CNTNAP5: variants seen among roughly 807,000 people sequenced by gnomAD.
CNTNAP5 encodes contactin associated protein family member 5, also known as contactin-associated protein-like 5.
A neutral mutation model predicts 150.2 loss-of-function variants in CNTNAP5; 72 were observed. The observed-to-expected ratio is 0.48, with a 90% CI of 0.40 to 0.58. The LOEUF is 0.58. Ranked by LOEUF, CNTNAP5 falls within the 20% of genes least tolerant of loss-of-function variation. The pLI is 0.00. For synonymous variants in CNTNAP5, 672 were observed against 619.8 expected, an observed-to-expected ratio of 1.08 and a Z score of -1.25; for missense variants, 1,636 against 1,626.2, an observed-to-expected ratio of 1.01 and a Z score of -0.10.
In CNTNAP5 at chr2:124,419,874, G is replaced by GT. The variant is rs200499176; in HGVS notation, c.529+2290dup. 3.5e-3 allele frequency among the ~76,000 whole-genome samples: 498 copies of GT among 143,246 alleles called. 6 individuals are homozygous for GT. Among genetic ancestry groups the GT allele is most frequent in the African/African-American group, 0.011 (445 of 38,986 alleles). The allele number at this position is 143,246 out of a possible 152,430, so 94.0% of individuals were successfully genotyped here. A position where few individuals can be genotyped will look rare whatever the true frequency, so the allele number is the denominator to read the frequency against. ...TAATTCTCCCTTTCAGCATTATCAT[G>GT]TTTTTTATTTGACTGGATTGGTTTT... On this transcript the variant is annotated intron_variant, in intron 4 of 23. Coordinates refer to ENST00000682447, the MANE Select transcript of CNTNAP5 (RefSeq NM_001367498.1).
intron 1 of CNTNAP5, among the ~76,000 whole-genome samples, chr2:124,212,925 G>A (rs10173293): frequency 0.31 from 42,549 of 138,392 alleles, 6,274 homozygotes; most frequent in South Asian, 0.51. Context: ...TGAAAGCTCC[G>A]CCTGCCGGAT....
intron 7 of CNTNAP5, among the ~76,000 whole-genome samples, chr2:124,477,656 A>ATTTTTTTTT (rs34441550): frequency 4.7e-5 from 6 of 127,478 alleles, no homozygotes; most frequent in Non-Finnish European, 1.0e-4. Context: ...TGCTCATGAC[A>ATTTTTTTTT]TTTTTTTTTT....
intron 2 of CNTNAP5, among the ~76,000 whole-genome samples, chr2:124,239,160 C>A (rs1686822630): frequency 3.3e-5 from 5 of 151,814 alleles, no homozygotes; most frequent in African/African-American, 1.2e-4. Context: ...GACAAATTTG[C>A]AGAAACTTTA....
At position 124,601,597 on chromosome 2, in the gene CNTNAP5, G is replaced by C. The variant is rs1460824320; in HGVS notation, c.1757-8204G>C. On this transcript the variant is annotated intron_variant, in intron 11 of 23. Coordinates refer to ENST00000682447, the MANE Select transcript of CNTNAP5 (RefSeq NM_001367498.1). ...ATACGGAGCAAAGAAAGGATCAAAG[G>C]TACTGTAATATGATTAATATTCTTA... is the stretch of plus-strand genomic sequence containing the variant. Among the ~76,000 whole-genome samples, 6 of 152,116 alleles carry C rather than the reference G, an allele frequency of 3.9e-5. No individual in the cohort carries two copies. In the East Asian group the frequency reaches 1.2e-3, roughly 29 times the overall value.
intron 3 of CNTNAP5, among the ~76,000 whole-genome samples, chr2:124,254,504 G>A (rs546952997): frequency 1.3e-5 from 2 of 152,294 alleles, no homozygotes; most frequent in South Asian, 2.1e-4. Flanking sequence ...CCATGCTTGT[G>A]GGTAGACATG....
Position 124,865,429 on chromosome 2 carries a change from C to T in CNTNAP5, c.3341C>T (p.Thr1114Ile). 6.4e-7 allele frequency: 1 copy of T among 1,551,544 alleles called. No homozygotes were observed. The highest frequency in any genetic ancestry group is 1.2e-5 in the South Asian group (1 of 84,052). Residue 1114 changes from threonine to isoleucine, a missense_variant, in exon 20 of 24, where the codon ACC becomes ATC. Thr to Ile is a moderately conservative substitution (Grantham distance 89, BLOSUM62 -1). Transcript: ENST00000682447. ...LKINREGREL[T>I]IQMDQQLRLS... Reference sequence around the variant, plus strand: ...ATTAACCGAGAGGGAAGAGAGCTTACCATTCAGGTACCTTCCTTACTTTCT... The same window carrying T: ...ATTAACCGAGAGGGAAGAGAGCTTATCATTCAGGTACCTTCCTTACTTTCT...
intron 12 of CNTNAP5, among the ~76,000 whole-genome samples, chr2:124,647,067 A>G (rs1678217770): frequency 6.6e-6 from 1 of 152,212 alleles, no homozygotes. Flanking sequence ...CCATGTTCTA[A>G]TGCCCAAATA....
At chr2:124,234,384 G>T (rs992366085) in intron 2 of CNTNAP5, among the ~76,000 whole-genome samples, 1 of 152,118 alleles carries the variant, frequency 6.6e-6, no homozygotes, top group Admixed American at 6.6e-5. Context: ...TGCTATGCAA[G>T]GTATTCACTA....
At chr2:124,454,706 G>T (rs868188189) in intron 6 of CNTNAP5, among the ~76,000 whole-genome samples, 1 of 151,974 alleles carries the variant, frequency 6.6e-6, no homozygotes, top group African/African-American at 2.4e-5. Flanking sequence ...TCAGAACATG[G>T]GGGAATAAAT....
chr2:124,207,850 T>C (rs900255721), intron 1 of CNTNAP5, among the ~76,000 whole-genome samples: 2 of 152,228 alleles, frequency 1.3e-5, no homozygotes, highest in South Asian at 2.1e-4. Context: ...GTGACAGATT[T>C]GCAAACTCTA....
At position 124,818,884 on chromosome 2, in the gene CNTNAP5, C is replaced by T. The variant is rs78843363; in HGVS notation, c.3217+20564C>T. Among the ~76,000 whole-genome samples, 14 of 152,270 alleles carry T rather than the reference C, an allele frequency of 9.2e-5. No individual in the cohort carries two copies. In the East Asian group the frequency reaches 2.5e-3, roughly 27 times the overall value. On this transcript the variant is annotated intron_variant, in intron 19 of 23. Coordinates refer to ENST00000682447, the MANE Select transcript of CNTNAP5 (RefSeq NM_001367498.1). ...ACCTACTGTCATAGGCCTGGCTCATCGACCTTCTCATTATTTCTAGGATGT... is the reference window on the plus strand; with the variant it reads ...ACCTACTGTCATAGGCCTGGCTCATTGACCTTCTCATTATTTCTAGGATGT...
At position 124,073,294 on chromosome 2, in the gene CNTNAP5, G is replaced by A. The variant is rs114779074; in HGVS notation, c.82+47562G>A. Among the ~76,000 whole-genome samples the A allele has an allele frequency of 5.6e-3, 855 of 152,184 alleles. 10 individuals carry two copies. Among genetic ancestry groups the A allele is most frequent in the Middle Eastern group, 0.027 (8 of 294 alleles). ...ATTGGAGAAACTCCCCAGGATATTGGTCTGGGCAAAGATTTCTATAGTAAT... is the reference window on the plus strand; with the variant it reads ...ATTGGAGAAACTCCCCAGGATATTGATCTGGGCAAAGATTTCTATAGTAAT... On this transcript the variant is annotated intron_variant, in intron 1 of 23. Coordinates refer to ENST00000682447, the MANE Select transcript of CNTNAP5 (RefSeq NM_001367498.1).
intron 19 of CNTNAP5, among the ~76,000 whole-genome samples, chr2:124,834,172 G>A (rs1682776234): frequency 6.6e-6 from 1 of 152,110 alleles, no homozygotes; most frequent in African/African-American, 2.4e-5. Context: ...TAAATTGGCA[G>A]AACCAAGATT....
chr2:124,611,578 C>T (rs1282131941), intron 12 of CNTNAP5, among the ~76,000 whole-genome samples: 1 of 152,248 alleles, frequency 6.6e-6, no homozygotes, highest in East Asian at 1.9e-4. Context: ...CAGTGGATCT[C>T]GGTTATTTTA....
intron 1 of CNTNAP5, among the ~76,000 whole-genome samples, chr2:124,044,665 C>G (rs1408869196): frequency 6.6e-6 from 1 of 151,972 alleles, no homozygotes; most frequent in Non-Finnish European, 1.5e-5. Flanking sequence ...TATATTGGCT[C>G]TTTTCTGATA....
intron 1 of CNTNAP5, among the ~76,000 whole-genome samples, chr2:124,110,652 T>C (rs999462117): frequency 2.0e-5 from 3 of 152,152 alleles, no homozygotes; most frequent in African/African-American, 4.8e-5. Flanking sequence ...AGAGGGCTAT[T>C]GGTATCCTCA....
At chr2:124,288,728 T>C (rs1003976979) in intron 3 of CNTNAP5, among the ~76,000 whole-genome samples, 7 of 152,184 alleles carry the variant, frequency 4.6e-5, no homozygotes, top group Non-Finnish European at 8.8e-5. Context: ...GGCACTTTAT[T>C]ACTCTTGAAA....
intron 12 of CNTNAP5, among the ~76,000 whole-genome samples, chr2:124,626,229 T>C (rs1677719317): frequency 6.6e-6 from 1 of 152,150 alleles, no homozygotes; most frequent in East Asian, 1.9e-4. Context: ...TATCCTGGGG[T>C]GTGTTAGTCC....
chr2:124,332,685 C>T (rs551088780), intron 3 of CNTNAP5, among the ~76,000 whole-genome samples: 4 of 151,764 alleles, frequency 2.6e-5, no homozygotes, highest in South Asian at 2.1e-4. Flanking sequence ...TTTAAGTAAA[C>T]GTAATATAAA....
Sources: gnomAD v4.1 joint callset for allele counts (sites outside exome capture counted in the v4.1 genomes callset) on GRCh38, gnomAD v4.1.1 for gene constraint, MANE v1.5 for transcripts, NCBI Gene and HGNC (gene_info 2026-07-23, HGNC 2026-07-21) for gene names.